The following ADAM22 variants were observed in gnomAD, a reference collection of about 807,000 sequenced individuals.
The protein encoded by ADAM22 is disintegrin and metalloproteinase domain-containing protein 22.
A neutral mutation model predicts 144.6 loss-of-function variants in ADAM22; 65 were observed. That is an observed-to-expected ratio of 0.45 (90% CI 0.37 to 0.55). ADAM22 has a LOEUF of 0.55. Ranked by LOEUF, ADAM22 falls within the 20% of genes least tolerant of loss-of-function variation. ADAM22 has a pLI of 0.00. For missense variants in ADAM22, 974 were observed against 1,184.9 expected, an observed-to-expected ratio of 0.82 and a Z score of 2.61; for synonymous variants, 391 against 412.6, an observed-to-expected ratio of 0.95 and a Z score of 0.63.
chr7:88,176,315 C>T (rs961075916), intron 26 of ADAM22, among the ~76,000 whole-genome samples: 3 of 152,134 alleles, frequency 2.0e-5, no homozygotes, highest in Non-Finnish European at 4.4e-5. Context: ...TACATGCATT[C>T]CTTATGGAAT....
At chr7:87,992,448 T>C (rs1317048286) in intron 3 of ADAM22, among the ~76,000 whole-genome samples, 1 of 152,300 alleles carries the variant, frequency 6.6e-6, no homozygotes, top group East Asian at 1.9e-4. Flanking sequence ...TTTAAGTGAA[T>C]GTTAACGTTA....
intron 7 of ADAM22, among the ~76,000 whole-genome samples, chr7:88,124,325 T>A (rs1829956704): frequency 6.6e-6 from 1 of 151,958 alleles, no homozygotes; most frequent in Non-Finnish European, 1.5e-5. Context: ...AGGAGCATTG[T>A]GTCTTTTTGA....
At chr7:88,111,364 G>A (rs926746990) in intron 5 of ADAM22, among the ~76,000 whole-genome samples, 10 of 111,174 alleles carry the variant, frequency 9.0e-5, no homozygotes, top group African/African-American at 3.0e-4. Flanking sequence ...TACCAAGTGC[G>A]TACTGTTTTT....
intron 5 of ADAM22, 73 bp downstream of exon 5, chr7:88,108,331 A>G: frequency 1.7e-6 from 2 of 1,147,174 alleles, no homozygotes; most frequent in East Asian, 5.1e-5. Context: ...AATGCACTAT[A>G]GTAGATATCC....
chr7:88,177,917 C>A (rs1252201741), intron 26 of ADAM22, among the ~76,000 whole-genome samples: 1 of 152,120 alleles, frequency 6.6e-6, no homozygotes, highest in Non-Finnish European at 1.5e-5. Context: ...GTTAAAAATT[C>A]TCAGTCCAGC....
chr7:88,182,367 C>T (rs577101617), intron 29 of ADAM22, among the ~76,000 whole-genome samples: 2 of 152,224 alleles, frequency 1.3e-5, no homozygotes, highest in East Asian at 3.9e-4. Flanking sequence ...AAGGGTCACC[C>T]TTCCTCTCCC....
In ADAM22 at chr7:88,202,204, G is replaced by C. The variant is rs1851249981; in HGVS notation, c.*5713G>C. 6.6e-6 allele frequency: 1 copy of C among 151,814 alleles called. No individual in the cohort carries two copies. The highest frequency in any genetic ancestry group is 1.5e-5 in the Non-Finnish European group (1 of 67,956). 9.4% of individuals were successfully genotyped at this position (151,814 alleles called of 1,614,324 possible). A position where few individuals can be genotyped will look rare whatever the true frequency, so the allele number is the denominator to read the frequency against. On this transcript the variant is annotated 3_prime_UTR_variant, in exon 32 of 32. Transcript: ENST00000413139. ...AGGGCAAAAATGACTCAACACCTTT[G>C]TTTTGTATGGAAAACTTTTTTTTTT...
chr7:88,043,585 G>A (rs574473974), intron 3 of ADAM22, among the ~76,000 whole-genome samples: 15 of 151,900 alleles, frequency 9.9e-5, no homozygotes, highest in Non-Finnish European at 1.9e-4. Context: ...GCATGCGCAT[G>A]TAGTCCCAGC....
chr7:88,128,872 T>C (rs1034397777), intron 9 of ADAM22, among the ~76,000 whole-genome samples, 196 bp downstream of exon 9: 36 of 152,176 alleles, frequency 2.4e-4, no homozygotes, highest in Admixed American at 2.0e-3. Flanking sequence ...GCAGTAACTT[T>C]TGAGTTTTCA....
intron 2 of ADAM22, among the ~76,000 whole-genome samples, chr7:87,937,442 A>G (rs1841502767): frequency 6.6e-6 from 1 of 152,158 alleles, no homozygotes. Flanking sequence ...CTAGGAGAGG[A>G]AGAGAGACTG....
chr7:87,969,033 A>G (rs1191907254), intron 2 of ADAM22, among the ~76,000 whole-genome samples: 2 of 152,172 alleles, frequency 1.3e-5, no homozygotes, highest in East Asian at 3.9e-4. Context: ...CAAGGAGGAA[A>G]GTCCACCTCC....
chr7:88,181,879 C>T (rs1027688072), intron 28 of ADAM22, 79 bp from the exon 29 acceptor site: 2 of 1,258,096 alleles, frequency 1.6e-6, no homozygotes, highest in African/African-American at 3.0e-5. Context: ...TCAATTATAC[C>T]CACTTGAAAT....
intron 4 of ADAM22, among the ~76,000 whole-genome samples, chr7:88,105,537 A>G (rs1824140336): frequency 6.6e-6 from 1 of 152,184 alleles, no homozygotes; most frequent in African/African-American, 2.4e-5. Flanking sequence ...AGCCCAACAC[A>G]CATTATTGTA....
chr7:88,077,394 C>T (rs1814900688), intron 4 of ADAM22, among the ~76,000 whole-genome samples: 1 of 152,154 alleles, frequency 6.6e-6, no homozygotes, highest in South Asian at 2.1e-4. Context: ...AGAACAGCTC[C>T]AGTCTACAGC....
At chr7:87,954,369 C>T (rs527298443) in intron 2 of ADAM22, among the ~76,000 whole-genome samples, 2 of 152,124 alleles carry the variant, frequency 1.3e-5, no homozygotes, top group South Asian at 4.2e-4. Context: ...ATTTGCTTGT[C>T]TGTAAAGTAT....
chr7:88,142,794 T>C (rs192128879), intron 14 of ADAM22, among the ~76,000 whole-genome samples: 19 of 150,676 alleles, frequency 1.3e-4, no homozygotes, highest in Admixed American at 5.3e-4. Flanking sequence ...GCCAAGATCG[T>C]GCCACTGCAC....
intron 14 of ADAM22, among the ~76,000 whole-genome samples, chr7:88,137,628 C>A (rs1232509875): frequency 6.6e-6 from 1 of 151,980 alleles, no homozygotes; most frequent in Non-Finnish European, 1.5e-5. Flanking sequence ...AATTTTAACC[C>A]CTGCATTAGA....
intron 4 of ADAM22, among the ~76,000 whole-genome samples, chr7:88,099,878 A>G (rs1216447735): frequency 3.3e-5 from 5 of 152,158 alleles, no homozygotes; most frequent in Non-Finnish European, 5.9e-5. Context: ...TATGAAAACA[A>G]CCCTCTCAAA....
rs547999846 is a variant in ADAM22, at chr7:88,093,137, TA to T, written c.391-15037del. 1.6e-4 allele frequency among the ~76,000 whole-genome samples: 25 copies of T among 152,330 alleles called. No homozygotes were observed. The South Asian group carries it at 5.0e-3, about 30-fold the overall frequency. On this transcript the variant is annotated intron_variant, in intron 4 of 31. Coordinates refer to ENST00000413139, the MANE Select transcript of ADAM22 (RefSeq NM_001324418.2). ...ATAATAGAATTTACTATTTTAATTCTAATTATAGAACTAACCTTTTCATTAT... is the reference window on the plus strand; with the variant it reads ...ATAATAGAATTTACTATTTTAATTCTATTATAGAACTAACCTTTTCATTAT...
Sources: gnomAD v4.1 joint callset for allele counts (sites outside exome capture counted in the v4.1 genomes callset) on GRCh38, gnomAD v4.1.1 for gene constraint, MANE v1.5 for transcripts, NCBI Gene and HGNC (gene_info 2026-07-23, HGNC 2026-07-21) for gene names.